MYO5B: variants seen among roughly 807,000 people sequenced by gnomAD.
The protein encoded by MYO5B is unconventional myosin-Vb.
A neutral mutation model predicts 229.3 loss-of-function variants in MYO5B; 143 were observed. The observed-to-expected ratio is 0.62, with a 90% CI of 0.54 to 0.72. The LOEUF (loss-of-function observed/expected upper bound fraction) is 0.72. MYO5B is among the 30% of genes least tolerant of loss of function. MYO5B has a pLI of 0.00. For synonymous variants in MYO5B, 918 were observed against 885.2 expected, an observed-to-expected ratio of 1.04 and a Z score of -0.66; for missense variants, 2,321 against 2,331.0, an observed-to-expected ratio of 1.00 and a Z score of 0.09.
intron 16 of MYO5B, among the ~76,000 whole-genome samples, chr18:49,930,894 A>G (rs887410602): frequency 6.7e-6 from 1 of 149,868 alleles, no homozygotes; most frequent in Non-Finnish European, 1.5e-5. Context: ...TCTGTCTCAA[A>G]AAAAAACACT....
intron 1 of MYO5B, among the ~76,000 whole-genome samples, chr18:50,087,307 C>T (rs1476353463): frequency 6.6e-6 from 1 of 152,190 alleles, no homozygotes; most frequent in African/African-American, 2.4e-5. Context: ...CATGGTGGCT[C>T]ATGCCTGTAA....
chr18:50,125,046 C>T (rs925330344), intron 1 of MYO5B, among the ~76,000 whole-genome samples: 1 of 152,068 alleles, frequency 6.6e-6, no homozygotes, highest in African/African-American at 2.4e-5. Context: ...TTTTGGGGAG[C>T]CTGCCACAGA....
intron 1 of MYO5B, among the ~76,000 whole-genome samples, chr18:50,182,490 G>A (rs1483936047): frequency 1.3e-5 from 2 of 152,176 alleles, no homozygotes; most frequent in East Asian, 3.8e-4. Context: ...GAAGGTAAGG[G>A]CAAAAATATG....
chr18:50,087,145 T>A (rs1223113220), intron 1 of MYO5B, among the ~76,000 whole-genome samples: 1 of 152,238 alleles, frequency 6.6e-6, no homozygotes, highest in East Asian at 1.9e-4. Flanking sequence ...CTCAGTATTC[T>A]GCAAGATACT....
At chr18:50,028,939 G>T (rs1351754728) in intron 4 of MYO5B, among the ~76,000 whole-genome samples, 2 of 152,170 alleles carry the variant, frequency 1.3e-5, no homozygotes, top group Non-Finnish European at 2.9e-5. Flanking sequence ...TATGACCTCT[G>T]CAGGGTCATA....
intron 1 of MYO5B, among the ~76,000 whole-genome samples, chr18:50,105,248 T>TAAATA (rs1248634941): frequency 7.6e-6 from 1 of 131,600 alleles, no homozygotes; most frequent in African/African-American, 2.9e-5. Flanking sequence ...AATAAATAAA[T>TAAATA]AAAAAATAGA....
In MYO5B at chr18:49,853,533, G is replaced by A; in HGVS notation, c.4137C>T (p.Phe1379=). The part of the protein sequence containing the change: ...KEEMDKQQQT[F]CQTLLLSPEA... The stretch of plus-strand genomic sequence containing the variant: ...CTGGGGAGAGCAGTAGCGTCTGGCA[G>A]AAGGTCTGCTGCTGTTTGTCCATCT... The change falls in exon 31 of 40, where the codon TTC becomes TTT. Residue 1379 remains phenylalanine, a synonymous_variant. Transcript: ENST00000285039. 1 of 1,614,226 alleles carries A rather than the reference G, an allele frequency of 6.2e-7. No individual in the cohort carries two copies. Among genetic ancestry groups the A allele is most frequent in the Non-Finnish European group, 8.5e-7 (1 of 1,180,040 alleles).
intron 1 of MYO5B, among the ~76,000 whole-genome samples, chr18:50,184,904 AT>A (rs571838458): frequency 0.69 from 94,218 of 135,584 alleles, 30,059 homozygotes; most frequent in Middle Eastern, 0.73. Flanking sequence ...AGAAAAAAAT[AT>A]ATATATATAT....
In MYO5B at chr18:49,906,568, G is replaced by A; in HGVS notation, c.2265C>T (p.Tyr755=). Residue 755 remains tyrosine (Y), a synonymous_variant, in exon 19 of 40, where the codon TAC becomes TAT. Coordinates refer to ENST00000285039, the MANE Select transcript of MYO5B (RefSeq NM_001080467.3). ...KIFFRAGQVA[Y]LEKLRADKFR... ...ACTTGTCAGCCCGCAGCTTCTCCAG[G>A]TAGGCCACCTGGCCTGCTCGAAAGA... 1 of 1,614,168 alleles carries A rather than the reference G, an allele frequency of 6.2e-7. No homozygotes were observed. The highest frequency in any genetic ancestry group is 8.5e-7 in the Non-Finnish European group (1 of 1,180,028).
intron 10 of MYO5B, among the ~76,000 whole-genome samples, chr18:49,973,732 T>C (rs2025715058): frequency 6.6e-6 from 1 of 152,078 alleles, no homozygotes; most frequent in South Asian, 2.1e-4. Context: ...TTGGTGACAG[T>C]CTCCCGATGG....
chr18:50,103,754 A>C (rs1252323082), intron 1 of MYO5B, among the ~76,000 whole-genome samples: 6 of 151,858 alleles, frequency 4.0e-5, no homozygotes, highest in Non-Finnish European at 7.4e-5. Flanking sequence ...ATCTGCCCCC[A>C]CCAAAACAAA....
intron 13 of MYO5B, among the ~76,000 whole-genome samples, chr18:49,953,892 A>G (rs1040054185): frequency 5.5e-5 from 7 of 127,654 alleles, no homozygotes; most frequent in African/African-American, 2.0e-4. Context: ...ATATATACAT[A>G]TATGTGTGTG....
At chr18:49,897,011 C>T (rs542839343) in intron 21 of MYO5B, among the ~76,000 whole-genome samples, 2 of 152,358 alleles carry the variant, frequency 1.3e-5, no homozygotes, top group South Asian at 4.1e-4. Flanking sequence ...TAAACATCAG[C>T]TATCTTCCTT....
intron 29 of MYO5B, among the ~76,000 whole-genome samples, chr18:49,861,690 TC>T (rs140776448): frequency 0.15 from 22,993 of 152,124 alleles, 2,218 homozygotes; most frequent in Middle Eastern, 0.29. Context: ...AGTCAGGCCT[TC>T]CGGATTCTAC....
At chr18:50,017,929 T>G (rs1312022348) in intron 4 of MYO5B, among the ~76,000 whole-genome samples, 1 of 152,208 alleles carries the variant, frequency 6.6e-6, no homozygotes. Context: ...AGTATTCAAG[T>G]GTACTTTAAA....
At chr18:50,005,300 T>C (rs1213855909) in intron 4 of MYO5B, among the ~76,000 whole-genome samples, 1 of 152,218 alleles carries the variant, frequency 6.6e-6, no homozygotes, top group Non-Finnish European at 1.5e-5. Context: ...CTAAAGGATC[T>C]GCCCTGAGTC....
At chr18:49,897,461 T>C (rs2024791795) in intron 21 of MYO5B, among the ~76,000 whole-genome samples, 1 of 152,220 alleles carries the variant, frequency 6.6e-6, no homozygotes, top group Non-Finnish European at 1.5e-5. Flanking sequence ...TAATTTTTAA[T>C]TTTCCTGGGT....
chr18:49,990,642 T>C, intron 6 of MYO5B, 122 bp from the exon 7 acceptor site: 2 of 776,338 alleles, frequency 2.6e-6, no homozygotes, highest in South Asian at 2.9e-5. Context: ...CCCAGTGTTT[T>C]CCTCCACACC....
chr18:49,909,333 C>T (rs2024933694), intron 18 of MYO5B, among the ~76,000 whole-genome samples: 2 of 152,210 alleles, frequency 1.3e-5, no homozygotes, highest in African/African-American at 4.8e-5. Flanking sequence ...CACTCAGTGA[C>T]ATTACTCAAT....
Sources: allele counts gnomAD v4.1 joint callset (sites outside exome capture counted in the v4.1 genomes callset), GRCh38; gene constraint gnomAD v4.1.1; transcripts MANE v1.5; gene names NCBI Gene and HGNC (gene_info 2026-07-23, HGNC 2026-07-21).